CNTNAP2: variants seen among roughly 807,000 people sequenced by gnomAD.
CNTNAP2 encodes the protein contactin associated protein 2, also known as contactin-associated protein-like 2.
A neutral mutation model predicts 155.2 loss-of-function variants in CNTNAP2; 98 were observed. The ratio of observed to expected loss-of-function variants is 0.63; its 90% confidence interval spans 0.54 to 0.75. The LOEUF is 0.75. Ranked by LOEUF, CNTNAP2 falls within the 30% of genes least tolerant of loss-of-function variation. CNTNAP2 has a pLI of 0.00. For synonymous variants in CNTNAP2, 651 were observed against 631.2 expected (o/e 1.03, Z -0.47); for missense variants, 1,727 against 1,688.1 (o/e 1.02, Z -0.40).
At position 147,441,493 on chromosome 7, in the gene CNTNAP2, T is replaced by C. The variant is rs543764872; in HGVS notation, c.1671-44442T>C. On this transcript the variant is annotated intron_variant, in intron 10 of 23. Coordinates refer to ENST00000361727, the MANE Select transcript of CNTNAP2 (RefSeq NM_014141.6). ...GTTTAGTTCATTTGGTGAGGTCATC[T>C]TTTTCTGGATTGTCTTGATACCTGT... Among the ~76,000 whole-genome samples, 272 of 152,270 alleles carry C rather than the reference T, an allele frequency of 1.8e-3. 1 individual carries two copies. Among genetic ancestry groups the C allele is most frequent in the African/African-American group, 6.3e-3 (263 of 41,562 alleles).
rs1799763414 is a variant in CNTNAP2, at chr7:146,644,022, A to C, written c.98-130249A>C. Among the ~76,000 whole-genome samples the C allele has an allele frequency of 2.0e-5, 3 of 152,128 alleles. No homozygotes were observed. The South Asian group carries it at 6.2e-4, about 32-fold the overall frequency. ...TTGTAGATTGATTTTGTATCCTGAGACTTTGCTGAAGTTGCTTATCAGTTT... is the reference window on the plus strand; with the variant it reads ...TTGTAGATTGATTTTGTATCCTGAGCCTTTGCTGAAGTTGCTTATCAGTTT... On this transcript the variant is annotated intron_variant, in intron 1 of 23. Coordinates refer to ENST00000361727, the MANE Select transcript of CNTNAP2 (RefSeq NM_014141.6).
At chr7:147,050,856 A>G (rs1194447454) in intron 4 of CNTNAP2, among the ~76,000 whole-genome samples, 1 of 152,090 alleles carries the variant, frequency 6.6e-6, no homozygotes, top group Non-Finnish European at 1.5e-5. Flanking sequence ...TGGAGAGAGA[A>G]ACAGTTCCAT....
At chr7:147,748,160 A>G (rs1215360823) in intron 13 of CNTNAP2, among the ~76,000 whole-genome samples, 1 of 152,234 alleles carries the variant, frequency 6.6e-6, no homozygotes, top group African/African-American at 2.4e-5. Flanking sequence ...AATGACCTTG[A>G]CAACAAGCTA....
chr7:147,167,417 G>T, intron 8 of CNTNAP2: 1 of 1,332,218 alleles, frequency 7.5e-7, no homozygotes, highest in Non-Finnish European at 1.0e-6. Flanking sequence ...CCTTCCTCTG[G>T]CTTGCTAGGA....
intron 1 of CNTNAP2, among the ~76,000 whole-genome samples, chr7:146,423,219 A>G (rs1213656961): frequency 1.3e-5 from 2 of 152,152 alleles, no homozygotes; most frequent in Non-Finnish European, 2.9e-5. Flanking sequence ...AGTCATATGT[A>G]AAATAACATA....
chr7:147,854,639 T>C (rs1453383929), intron 13 of CNTNAP2, among the ~76,000 whole-genome samples: 1 of 152,236 alleles, frequency 6.6e-6, no homozygotes, highest in African/African-American at 2.4e-5. Context: ...CAGTGGTTCC[T>C]AGCCACATGT....
chr7:146,718,981 G>A (rs1286194212), intron 1 of CNTNAP2, among the ~76,000 whole-genome samples: 1 of 152,110 alleles, frequency 6.6e-6, no homozygotes, highest in Non-Finnish European at 1.5e-5. Flanking sequence ...AGTAGAACAT[G>A]CCTTTCTCCT....
At chr7:147,103,962 G>A (rs2129278424) in intron 4 of CNTNAP2, among the ~76,000 whole-genome samples, 1 of 152,056 alleles carries the variant, frequency 6.6e-6, no homozygotes, top group Non-Finnish European at 1.5e-5. Flanking sequence ...AAGTGACTAG[G>A]GAGGCATCAT....
At chr7:148,165,072 G>C (rs971942433) in intron 17 of CNTNAP2, among the ~76,000 whole-genome samples, 1 of 152,120 alleles carries the variant, frequency 6.6e-6, no homozygotes, top group Non-Finnish European at 1.5e-5. Flanking sequence ...TGCTTGGGCT[G>C]CCCTAACAGA....
chr7:147,088,653 A>G (rs893588844), intron 4 of CNTNAP2, among the ~76,000 whole-genome samples: 4 of 152,150 alleles, frequency 2.6e-5, no homozygotes, highest in Non-Finnish European at 5.9e-5. Context: ...CTTGTTTTCA[A>G]AATCAAGGCT....
At chr7:147,981,666 T>C (rs963377929) in intron 15 of CNTNAP2, among the ~76,000 whole-genome samples, 1 of 152,206 alleles carries the variant, frequency 6.6e-6, no homozygotes, top group Non-Finnish European at 1.5e-5. Context: ...TGAGTTTCAT[T>C]TTTGCTTTGA....
intron 8 of CNTNAP2, among the ~76,000 whole-genome samples, chr7:147,241,636 G>GAAAAAA (rs773697991): frequency 1.6e-5 from 1 of 63,134 alleles, no homozygotes; most frequent in African/African-American, 5.1e-5. Context: ...TCAAAAAAAG[G>GAAAAAA]AAAAAAAAAA....
intron 1 of CNTNAP2, among the ~76,000 whole-genome samples, chr7:146,288,008 C>A (rs1418459701): frequency 6.6e-6 from 1 of 152,038 alleles, no homozygotes; most frequent in Non-Finnish European, 1.5e-5. Flanking sequence ...TGCACTTAAA[C>A]AAGTGATAAA....
At position 148,204,835 on chromosome 7, in the gene CNTNAP2, C is replaced by T. The variant is rs890070924; in HGVS notation, c.3011-12453C>T. On this transcript the variant is annotated intron_variant, in intron 18 of 23. Transcript: ENST00000361727. ...TGAAGTTCAGCAGATTTGCATTTGACTCTTGACTCTGTGATTAGCTGGGTG... is the reference window on the plus strand; with the variant it reads ...TGAAGTTCAGCAGATTTGCATTTGATTCTTGACTCTGTGATTAGCTGGGTG... 2.0e-5 allele frequency among the ~76,000 whole-genome samples: 3 copies of T among 152,188 alleles called. No individual in the cohort carries two copies. The South Asian group carries it at 6.2e-4, about 31-fold the overall frequency.
At position 147,609,092 on chromosome 7, in the gene CNTNAP2, G is replaced by A. The variant is rs190055601; in HGVS notation, c.1898-30014G>A. On this transcript the variant is annotated intron_variant, in intron 12 of 23. Coordinates refer to ENST00000361727, the MANE Select transcript of CNTNAP2 (RefSeq NM_014141.6). ...ATGATGGCTTAGCTTGTGCTCAGAG[G>A]CCTGACAGGCATAATATTTATTGAA... Among the ~76,000 whole-genome samples the A allele has an allele frequency of 9.7e-4, 148 of 152,306 alleles. 1 individual carries two copies. The highest frequency in any genetic ancestry group is 7.3e-4 in the Non-Finnish European group (50 of 68,030).
Position 148,383,873 on chromosome 7 carries a change from G to T in CNTNAP2, c.3700G>T (p.Asp1234Tyr), listed in dbSNP as rs1585326021. ...GTCCGCCACCGACCCCTGGCACCTG[G>T]ATCACCTGGATTCAGGTAAAGTCTT... ...MSSATDPWHL[D>Y]HLDSASADFP... Residue 1234 changes from aspartate (D) to tyrosine (Y), a missense_variant, in exon 22 of 24, where the codon GAT becomes TAT. By Grantham distance (160) the Asp-to-Tyr change is radical. Transcript: ENST00000361727. The T allele has an allele frequency of 6.2e-7, 1 of 1,613,780 alleles. No homozygotes were observed. The highest frequency in any genetic ancestry group is 8.5e-7 in the Non-Finnish European group (1 of 1,179,960).
At chr7:148,315,174 A>C (rs1337219031) in intron 21 of CNTNAP2, among the ~76,000 whole-genome samples, 1 of 152,190 alleles carries the variant, frequency 6.6e-6, no homozygotes, top group Non-Finnish European at 1.5e-5. Context: ...CTCCTAAGGA[A>C]GATCCCCTGA....
intron 15 of CNTNAP2, among the ~76,000 whole-genome samples, chr7:147,991,136 G>C (rs768266336): frequency 6.6e-6 from 1 of 152,108 alleles, no homozygotes; most frequent in Non-Finnish European, 1.5e-5. Flanking sequence ...CTGGGACAAA[G>C]ACCAAATTAA....
intron 20 of CNTNAP2, among the ~76,000 whole-genome samples, chr7:148,243,334 A>G (rs1351059609): frequency 6.6e-6 from 1 of 152,206 alleles, no homozygotes; most frequent in African/African-American, 2.4e-5. Context: ...CAACATCCTG[A>G]CCATCTCTGA....
Sources: gnomAD v4.1 joint callset for allele counts (sites outside exome capture counted in the v4.1 genomes callset) on GRCh38, gnomAD v4.1.1 for gene constraint, MANE v1.5 for transcripts, NCBI Gene and HGNC (gene_info 2026-07-23, HGNC 2026-07-21) for gene names.